WDR64: variants seen among roughly 807,000 people sequenced by gnomAD.
The protein encoded by WDR64 is WD repeat domain 64.
Under a neutral mutation model 139.3 loss-of-function variants are expected in WDR64, and 112 were observed. The observed-to-expected ratio is 0.80, with a 90% CI of 0.69 to 0.94. WDR64 has a LOEUF of 0.94. WDR64 is among the 40% of genes least tolerant of loss of function. The pLI is 0.00. For missense variants in WDR64, 1,206 were observed against 1,293.1 expected (o/e 0.93, Z 1.03); for synonymous variants, 444 against 437.7 (o/e 1.01, Z -0.18).
At chr1:241,661,154 C>T (rs1665817552) in intron 2 of WDR64, among the ~76,000 whole-genome samples, 1 of 150,530 alleles carries the variant, frequency 6.6e-6, no homozygotes, top group Non-Finnish European at 1.5e-5. Context: ...TATAAATTAT[C>T]TGGTTCTTTA....
chr1:241,784,953 GAA>G lies in WDR64; in HGVS notation c.2705+1594_2705+1595del, dbSNP rs58720618. Among the ~76,000 whole-genome samples the G allele has an allele frequency of 7.7e-4, 48 of 62,242 alleles. 2 individuals carry two copies. The highest frequency in any genetic ancestry group is 6.3e-3 in the South Asian group (7 of 1,108). The allele number at this position is 62,242 out of a possible 152,430, so 40.8% of individuals were successfully genotyped here. A position where few individuals can be genotyped will look rare whatever the true frequency, so the allele number is the denominator to read the frequency against. On this transcript the variant is annotated intron_variant, in intron 23 of 27. Coordinates refer to ENST00000437684, the MANE Select transcript of WDR64 (RefSeq NM_001367482.1). ...TGGGCGACAGAGTGAGACTCTGTCT[GAA>G]AAAAAAAAAAAAAAAAAAAAAGAAA...
rs56270715 is a variant in WDR64, at chr1:241,672,061, G to T, written c.379+885G>T. 3.0e-4 allele frequency among the ~76,000 whole-genome samples: 45 copies of T among 152,120 alleles called. 1 individual carries two copies. The highest frequency in any genetic ancestry group is 2.3e-3 in the East Asian group (12 of 5,162). On this transcript the variant is annotated intron_variant, in intron 3 of 27. Coordinates refer to ENST00000437684, the MANE Select transcript of WDR64 (RefSeq NM_001367482.1). ...ATGGTGGTGTGCACCTGTAGTCCCAGCTACTCGGGAGGCTGAGGCAGAAGA... is the reference window on the plus strand; with the variant it reads ...ATGGTGGTGTGCACCTGTAGTCCCATCTACTCGGGAGGCTGAGGCAGAAGA...
chr1:241,766,322 G>A lies in WDR64; in HGVS notation c.2052G>A (p.Trp684Ter). The A allele has an allele frequency of 6.2e-7, 1 of 1,614,022 alleles. No individual in the cohort carries two copies. The highest frequency in any genetic ancestry group is 8.5e-7 in the Non-Finnish European group (1 of 1,179,962). The change falls in exon 16 of 28, where the codon TGG becomes TGA. Residue 684 changes from tryptophan (W) to a stop codon, truncating the protein, a stop_gained. Transcript: ENST00000437684. LOFTEE classifies it high-confidence loss of function. ...CCTTAAATGGTGTGATCATCTTATG[G>A]AATTTTGTGACGTCTACTGTCAAAA... ...AGTLNGVIIL[W>*]NFVTSTVKKV...
intron 27 of WDR64, among the ~76,000 whole-genome samples, chr1:241,797,439 T>C (rs1407922881): frequency 6.6e-6 from 1 of 152,212 alleles, no homozygotes; most frequent in Non-Finnish European, 1.5e-5. Flanking sequence ...GAGGAAGATA[T>C]AGCACATGGT....
intron 27 of WDR64, among the ~76,000 whole-genome samples, chr1:241,800,080 G>C (rs566515302): frequency 1.3e-5 from 2 of 152,262 alleles, no homozygotes; most frequent in African/African-American, 4.8e-5. Context: ...ATGAAATAGT[G>C]AATTAGCCTT....
chr1:241,801,009 C>T, intron 27 of WDR64, 123 bp from the exon 28 acceptor site: 1 of 724,946 alleles, frequency 1.4e-6, no homozygotes, highest in Non-Finnish European at 2.3e-6. Flanking sequence ...AAGTAAATAA[C>T]TATTCATTTT....
rs1367374858 is a variant in WDR64 at position 241,773,061 on chromosome 1, G to C, written c.2430+130G>C. Reference sequence around the variant, plus strand: ...TTTTCAACTTTCTAGCCAAATTGCTGATCTTGCAGCCTGTTTATTGATAAC... The same window carrying C: ...TTTTCAACTTTCTAGCCAAATTGCTCATCTTGCAGCCTGTTTATTGATAAC... On this transcript the variant is annotated intron_variant, in intron 20 of 27. Coordinates refer to ENST00000437684, the MANE Select transcript of WDR64 (RefSeq NM_001367482.1). The C allele has an allele frequency of 4.3e-6, 5 of 1,151,620 alleles. No homozygotes were observed. In the African/African-American group the frequency reaches 4.8e-5, roughly 11 times the overall value. The allele number at this position is 1,151,620 out of a possible 1,614,324, so 71.3% of individuals were successfully genotyped here.
At chr1:241,791,359 T>A (rs1659210237) in intron 25 of WDR64, among the ~76,000 whole-genome samples, 2 of 152,132 alleles carry the variant, frequency 1.3e-5, no homozygotes, top group Non-Finnish European at 2.9e-5. Flanking sequence ...TGACCCAGCA[T>A]GAAAAATTAT....
At position 241,715,034 on chromosome 1, in the gene WDR64, C is replaced by T. The variant is rs548874772; in HGVS notation, c.1054+3153C>T. 4.6e-5 allele frequency among the ~76,000 whole-genome samples: 7 copies of T among 152,256 alleles called. 1 individual carries two copies. In the South Asian group the frequency reaches 1.4e-3, roughly 32 times the overall value. On this transcript the variant is annotated intron_variant, in intron 9 of 27. Coordinates refer to ENST00000437684, the MANE Select transcript of WDR64 (RefSeq NM_001367482.1). Reference sequence around the variant, plus strand: ...CTCAATATATAATTACAGCTTTGTGCACTCAGAAATACCAAAACATTAATT... The same window carrying T: ...CTCAATATATAATTACAGCTTTGTGTACTCAGAAATACCAAAACATTAATT...
intron 9 of WDR64, among the ~76,000 whole-genome samples, chr1:241,714,727 C>T (rs1452117653): frequency 6.6e-6 from 1 of 152,148 alleles, no homozygotes; most frequent in African/African-American, 2.4e-5. Context: ...AGCCTATTGG[C>T]AAGCACAACA....
At chr1:241,798,619 T>C (rs1386359069) in intron 27 of WDR64, among the ~76,000 whole-genome samples, 2 of 152,222 alleles carry the variant, frequency 1.3e-5, no homozygotes, top group African/African-American at 2.4e-5. Flanking sequence ...TTCACTTTTA[T>C]GAAACAAATA....
intron 12 of WDR64, among the ~76,000 whole-genome samples, chr1:241,741,992 T>C (rs892948525): frequency 4.6e-5 from 7 of 152,206 alleles, no homozygotes; most frequent in Non-Finnish European, 1.0e-4. Context: ...AGAGGATTTA[T>C]GTTAAGAAGG....
chr1:241,726,957 G>A (rs1018306482), intron 10 of WDR64, among the ~76,000 whole-genome samples: 1 of 151,836 alleles, frequency 6.6e-6, no homozygotes, highest in Non-Finnish European at 1.5e-5. Flanking sequence ...CACCATCTCA[G>A]CTCACTGCAA....
At chr1:241,778,129 T>TC (rs1658727825) in intron 21 of WDR64, among the ~76,000 whole-genome samples, 1 of 152,216 alleles carries the variant, frequency 6.6e-6, no homozygotes, top group African/African-American at 2.4e-5. Flanking sequence ...ATAACTATAA[T>TC]AATGGATTCA....
chr1:241,660,061 A>G (rs987803650), intron 1 of WDR64, among the ~76,000 whole-genome samples: 1 of 152,152 alleles, frequency 6.6e-6, no homozygotes, highest in African/African-American at 2.4e-5. Flanking sequence ...TAAGTCTTTA[A>G]TCCATCCTGA....
At chr1:241,654,837 T>C (rs764721112) in intron 1 of WDR64, among the ~76,000 whole-genome samples, 14 of 152,352 alleles carry the variant, frequency 9.2e-5, no homozygotes, top group Admixed American at 1.3e-4. Context: ...AAAACTATTG[T>C]ATAAAATTAC....
intron 13 of WDR64, among the ~76,000 whole-genome samples, chr1:241,747,692 T>C (rs1669813467): frequency 6.6e-6 from 1 of 151,572 alleles, no homozygotes; most frequent in Non-Finnish European, 1.5e-5. Flanking sequence ...AAAAGCAAGC[T>C]GATCTATGAA....
Position 241,790,648 on chromosome 1 carries a change from T to A in WDR64, c.2949T>A (p.Phe983Leu). The A allele has an allele frequency of 3.1e-6, 5 of 1,612,588 alleles. No individual in the cohort carries two copies. Among genetic ancestry groups the A allele is most frequent in the Non-Finnish European group, 4.2e-6 (5 of 1,179,736 alleles). The change falls in exon 25 of 28, where the codon TTT becomes TTA. Residue 983 changes from phenylalanine to leucine, a missense_variant. By Grantham distance (22) the Phe-to-Leu change is conservative (BLOSUM62 0). Transcript: ENST00000437684. ...LLFKRTPPKA[F>L]EVEQDFKFFK... ...TCAAACGCACACCTCCCAAGGCCTT[T>A]GAAGTGGAACAGGATTTCAAGTTTT...
At chr1:241,702,833 G>A (rs1018769302) in intron 8 of WDR64, among the ~76,000 whole-genome samples, 3 of 152,184 alleles carry the variant, frequency 2.0e-5, no homozygotes, top group Non-Finnish European at 4.4e-5. Flanking sequence ...ATACTTATTT[G>A]TGTTATCTAT....
Sources: allele counts gnomAD v4.1 joint callset (sites outside exome capture counted in the v4.1 genomes callset), GRCh38; gene constraint gnomAD v4.1.1; transcripts MANE v1.5; gene names NCBI Gene and HGNC (gene_info 2026-07-23, HGNC 2026-07-21).